AGTPBP1: variants seen among roughly 807,000 people sequenced by gnomAD.
The protein encoded by AGTPBP1 is cytosolic carboxypeptidase 1.
A neutral mutation model predicts 143.9 loss-of-function variants in AGTPBP1; 70 were observed. That is an observed-to-expected ratio of 0.49 (90% CI 0.40 to 0.59). The LOEUF (loss-of-function observed/expected upper bound fraction) is 0.59, where lower values mean the gene tolerates loss of function less well. Among genes scored for constraint, AGTPBP1 ranks in the 20% least tolerant of loss-of-function variants. The pLI is 0.00. For synonymous variants in AGTPBP1, 463 were observed against 500.2 expected (o/e 0.93, Z 0.99); for missense variants, 1,229 against 1,464.5 (o/e 0.84, Z 2.62).
chr9:85,584,721 G>C (rs1186002948), intron 23 of AGTPBP1, among the ~76,000 whole-genome samples: 1 of 152,062 alleles, frequency 6.6e-6, no homozygotes, highest in Non-Finnish European at 1.5e-5. Context: ...TGATCAACTG[G>C]GGGCAGGAAG....
rs543391540 is a variant in AGTPBP1, at chr9:85,658,172, T to C, written c.701-529A>G. ...AATTGCTCTAATTACTCCACAATTA[T>C]ATAAATATTCATACTATAACAATGC... is the stretch of plus-strand genomic sequence containing the variant. On this transcript the variant is annotated intron_variant, in intron 9 of 25. Transcript: ENST00000357081. Among the ~76,000 whole-genome samples, 5 of 152,264 alleles carry C rather than the reference T, an allele frequency of 3.3e-5. No individual in the cohort carries two copies. The East Asian group carries it at 7.7e-4, about 23-fold the overall frequency.
chr9:85,617,500 A>T (rs1413793591), intron 17 of AGTPBP1, among the ~76,000 whole-genome samples: 2 of 152,214 alleles, frequency 1.3e-5, no homozygotes, highest in African/African-American at 4.8e-5. Flanking sequence ...CCACAGGCAT[A>T]ATGTTTGACT....
rs774888714 is a variant in AGTPBP1 at position 85,672,567 on chromosome 9, C to A, written c.551G>T (p.Arg184Leu). 2 of 1,612,698 alleles carry A rather than the reference C, an allele frequency of 1.2e-6. No homozygotes were observed. The highest frequency in any genetic ancestry group is 1.7e-6 in the Non-Finnish European group (2 of 1,179,580). The stretch of plus-strand genomic sequence containing the variant: ...ATACTCACAGTTGGCAGAATATACT[C>A]GTAAAAGCTGAAGGCAAGGTAGAAC... Reference protein sequence around the residue: ...RLVLPCLQLLRVYSANSVNSV... With the variant: ...RLVLPCLQLLLVYSANSVNSV... Residue 184 changes from arginine (R) to leucine (L), a missense_variant, in exon 7 of 26, where the codon CGA (arginine) becomes CTA (leucine). Physicochemically the swap from Arg to Leu is moderately radical, Grantham distance 102. Transcript: ENST00000357081.
intron 3 of AGTPBP1, among the ~76,000 whole-genome samples, chr9:85,682,995 A>T (rs909475115): frequency 6.6e-6 from 1 of 152,226 alleles, no homozygotes; most frequent in South Asian, 2.1e-4. Flanking sequence ...TATTTATCTT[A>T]AAACAACAAT....
chr9:85,604,090 G>C lies in AGTPBP1; in HGVS notation c.2336-7641C>G, dbSNP rs530139164. Among the ~76,000 whole-genome samples, 432 of 152,286 alleles carry C rather than the reference G, an allele frequency of 2.8e-3. 2 individuals are homozygous for C. Among genetic ancestry groups the C allele is most frequent in the Non-Finnish European group, 5.1e-3 (345 of 68,006 alleles). ...GCCCTAAAGGGCAGGACACAAGCCC[G>C]GCTGGAAAGCCCTTGGGCCTTGAGT... On this transcript the variant is annotated intron_variant, in intron 17 of 25. Transcript: ENST00000357081.
At chr9:85,726,312 C>T (rs1838489353) in intron 1 of AGTPBP1, among the ~76,000 whole-genome samples, 3 of 151,898 alleles carry the variant, frequency 2.0e-5, no homozygotes, top group African/African-American at 2.4e-5. Context: ...TGCTATTTGG[C>T]GCAAGCTTTG....
intron 8 of AGTPBP1, 41 bp from the exon 9 acceptor site, chr9:85,661,014 GT>G: frequency 6.6e-7 from 1 of 1,526,278 alleles, no homozygotes; most frequent in Non-Finnish European, 8.9e-7. Context: ...AACAAAACTA[GT>G]AAAATTAATC....
At chr9:85,622,588 ATTTACT>A (rs1177799516) in intron 14 of AGTPBP1, among the ~76,000 whole-genome samples, 1 of 152,176 alleles carries the variant, frequency 6.6e-6, no homozygotes, top group Non-Finnish European at 1.5e-5. Context: ...GTTAAGAATA[ATTTACT>A]TTTAATTTTA....
chr9:85,666,213 T>A lies in AGTPBP1; in HGVS notation c.662+3272A>T, dbSNP rs1006023478. ...ATTCTGGGTCAGTCCTTGCAATGAC[T>A]TCCAAACCTATGGGGAAACTCAAAA... On this transcript the variant is annotated intron_variant, in intron 8 of 25. Transcript: ENST00000357081. 2.6e-5 allele frequency among the ~76,000 whole-genome samples: 4 copies of A among 152,144 alleles called. No individual in the cohort carries two copies. The East Asian group carries it at 7.7e-4, about 29-fold the overall frequency.
intron 14 of AGTPBP1, among the ~76,000 whole-genome samples, chr9:85,627,812 ATT>A (rs1433865566): frequency 6.6e-6 from 1 of 152,222 alleles, no homozygotes; most frequent in Non-Finnish European, 1.5e-5. Context: ...TCTTAATAAC[ATT>A]TTCTTTTCTC....
intron 17 of AGTPBP1, among the ~76,000 whole-genome samples, chr9:85,615,921 A>C (rs1587742847): frequency 6.6e-6 from 1 of 152,138 alleles, no homozygotes; most frequent in East Asian, 1.9e-4. Context: ...TGGATAAATA[A>C]ATTACAGTAC....
At chr9:85,750,018 A>G in the AGTPBP1 span, among the ~76,000 whole-genome samples, 24 of 151,960 alleles carry the variant, frequency 1.6e-4, no homozygotes, top group Non-Finnish European at 3.4e-4. Flanking sequence ...AGTAGCTGGG[A>G]CTACAGGCAC....
intron 1 of AGTPBP1, among the ~76,000 whole-genome samples, chr9:85,727,346 C>T (rs1428895481): frequency 1.3e-5 from 2 of 151,984 alleles, no homozygotes; most frequent in Non-Finnish European, 2.9e-5. Flanking sequence ...AAAGCAAACC[C>T]CACTTCACAA....
the AGTPBP1 span, chr9:85,786,140 G>C: frequency 6.2e-7 from 1 of 1,607,782 alleles, no homozygotes; most frequent in Non-Finnish European, 8.5e-7. Context: ...CCAGAAGGAG[G>C]CATGCTTTCA....
intron 25 of AGTPBP1, among the ~76,000 whole-genome samples, chr9:85,572,019 T>C (rs1186844689): frequency 0.027 from 1,033 of 37,860 alleles, 27 homozygotes; most frequent in Middle Eastern, 0.061. Flanking sequence ...TTTTTTTTTT[T>C]TTTTTTTTTT....
chr9:85,571,718 C>T (rs532223451), intron 25 of AGTPBP1, among the ~76,000 whole-genome samples: 1 of 152,268 alleles, frequency 6.6e-6, no homozygotes, highest in East Asian at 1.9e-4. Flanking sequence ...CAATGAGAAG[C>T]ACACAGTATC....
At chr9:85,730,690 G>A (rs1838820945) in intron 1 of AGTPBP1, among the ~76,000 whole-genome samples, 1 of 152,118 alleles carries the variant, frequency 6.6e-6, no homozygotes, top group Non-Finnish European at 1.5e-5. Context: ...CCTTGAACGT[G>A]CCCTTTCCAA....
intron 18 of AGTPBP1, among the ~76,000 whole-genome samples, chr9:85,594,284 A>G (rs1829154602): frequency 6.6e-6 from 1 of 152,220 alleles, no homozygotes; most frequent in Non-Finnish European, 1.5e-5. Flanking sequence ...GCTGACATGA[A>G]AAGTTATGGC....
At chr9:85,636,259 CTTTTTT>C (rs35445993) in intron 13 of AGTPBP1, among the ~76,000 whole-genome samples, 9,306 of 118,492 alleles carry the variant, frequency 0.079, 376 homozygotes, top group Admixed American at 0.14. Flanking sequence ...TGTAAGGTTT[CTTTTTT>C]TTTTTTTTTT....
Sources: allele counts gnomAD v4.1 joint callset (sites outside exome capture counted in the v4.1 genomes callset), GRCh38; gene constraint gnomAD v4.1.1; transcripts MANE v1.5; gene names NCBI Gene and HGNC (gene_info 2026-07-23, HGNC 2026-07-21).